Variants in EPB41L4A observed in about 807,000 individuals in gnomAD.
EPB41L4A encodes band 4.1-like protein 4A.
Under a neutral mutation model 108.6 loss-of-function variants are expected in EPB41L4A, and 100 were observed. That is an observed-to-expected ratio of 0.92 (90% CI 0.78 to 1.09). EPB41L4A has a LOEUF of 1.09. Ranked by LOEUF, EPB41L4A falls within the 50% of genes least tolerant of loss-of-function variation. The pLI is 0.00. For missense variants in EPB41L4A, 1,030 were observed against 842.7 expected (o/e 1.22, Z -2.75); for synonymous variants, 319 against 289.0 (o/e 1.10, Z -1.05).
intron 2 of EPB41L4A, among the ~76,000 whole-genome samples, chr5:112,301,612 T>C (rs1256518944): frequency 1.1e-4 from 17 of 152,196 alleles, no homozygotes; most frequent in Admixed American, 1.1e-3. Flanking sequence ...TCAGCTTTCT[T>C]GGTATATTTC....
At chr5:112,361,101 AAG>A (rs1478084422) in intron 1 of EPB41L4A, among the ~76,000 whole-genome samples, 2 of 152,192 alleles carry the variant, frequency 1.3e-5, no homozygotes, top group Admixed American at 1.3e-4. Flanking sequence ...GGGGAAAAGA[AAG>A]AGAGATCGGA....
intron 9 of EPB41L4A, among the ~76,000 whole-genome samples, chr5:112,244,804 T>C (rs1580516532): frequency 6.6e-6 from 1 of 152,206 alleles, no homozygotes; most frequent in African/African-American, 2.4e-5. Context: ...AGCTCCTAGC[T>C]TGCAGGGTGC....
intron 1 of EPB41L4A, among the ~76,000 whole-genome samples, chr5:112,385,507 CAAA>C (rs201988960): frequency 9.1e-4 from 69 of 75,542 alleles, no homozygotes; most frequent in African/African-American, 2.4e-3. Context: ...TGGTTATTTT[CAAA>C]AAAAAAAAAA....
At chr5:112,359,325 T>C (rs1323141979) in intron 1 of EPB41L4A, among the ~76,000 whole-genome samples, 1 of 152,210 alleles carries the variant, frequency 6.6e-6, no homozygotes, top group African/African-American at 2.4e-5. Flanking sequence ...ATTCACTAAA[T>C]TTTCAGTTGA....
intron 9 of EPB41L4A, among the ~76,000 whole-genome samples, chr5:112,246,504 C>T (rs1444228454): frequency 6.6e-6 from 1 of 152,152 alleles, no homozygotes; most frequent in Non-Finnish European, 1.5e-5. Flanking sequence ...AAGCTGGGAA[C>T]TGGGTCACGC....
At chr5:112,272,099 C>T (rs1212662621) in intron 4 of EPB41L4A, among the ~76,000 whole-genome samples, 1 of 151,152 alleles carries the variant, frequency 6.6e-6, no homozygotes, top group Non-Finnish European at 1.5e-5. Context: ...ATAGTATGAC[C>T]ATATATATGC....
At chr5:112,344,588 G>A (rs867120987) in intron 1 of EPB41L4A, among the ~76,000 whole-genome samples, 1 of 152,222 alleles carries the variant, frequency 6.6e-6, no homozygotes, top group Non-Finnish European at 1.5e-5. Flanking sequence ...AAGTCTATAA[G>A]CTGTTTACGA....
At chr5:112,246,214 C>T (rs868225286) in intron 9 of EPB41L4A, among the ~76,000 whole-genome samples, 1 of 152,078 alleles carries the variant, frequency 6.6e-6, no homozygotes, top group Non-Finnish European at 1.5e-5. Flanking sequence ...AATATCCAGT[C>T]ATGCGTTGTA....
chr5:112,264,826 C>T (rs904634376), intron 6 of EPB41L4A, 70 bp downstream of exon 6: 3 of 1,483,850 alleles, frequency 2.0e-6, no homozygotes, highest in East Asian at 4.7e-5. Flanking sequence ...ATTCTAGAAA[C>T]TTTTCTTGTG....
intron 20 of EPB41L4A, 154 bp downstream of exon 20, chr5:112,170,147 G>T: frequency 1.4e-6 from 1 of 692,726 alleles, no homozygotes; most frequent in Middle Eastern, 3.8e-4. Context: ...TAGCTTTAAT[G>T]CACACTTTTC....
chr5:112,144,984 T>TA (rs940989327), intron 13 of EPB41L4A, among the ~76,000 whole-genome samples: 2 of 152,128 alleles, frequency 1.3e-5, no homozygotes, highest in East Asian at 1.9e-4. Flanking sequence ...TAACTTTGTT[T>TA]AAAAAAAGTA....
chr5:112,347,500 T>C (rs1216995029), intron 1 of EPB41L4A, among the ~76,000 whole-genome samples: 1 of 152,160 alleles, frequency 6.6e-6, no homozygotes. Context: ...CCATATACTA[T>C]GGGCATGACT....
At chr5:112,219,423 T>G (rs949333393) in intron 12 of EPB41L4A, among the ~76,000 whole-genome samples, 3 of 152,206 alleles carry the variant, frequency 2.0e-5, no homozygotes, top group Non-Finnish European at 4.4e-5. Flanking sequence ...CAAGTGGAAC[T>G]GTGAGTCTTT....
At chr5:112,155,951 A>T (rs1759632168) in intron 12 of EPB41L4A, among the ~76,000 whole-genome samples, 1 of 152,134 alleles carries the variant, frequency 6.6e-6, no homozygotes, top group African/African-American at 2.4e-5. Flanking sequence ...TTTAATATCA[A>T]ATTTTTAAAA....
intron 17 of EPB41L4A, among the ~76,000 whole-genome samples, chr5:112,189,288 T>C (rs1644906179): frequency 6.6e-6 from 1 of 152,258 alleles, no homozygotes; most frequent in Admixed American, 6.5e-5. Flanking sequence ...GGGCACTTTC[T>C]ACTTTTCAAA....
chr5:112,303,166 T>C (rs987245761), intron 2 of EPB41L4A, among the ~76,000 whole-genome samples: 87 of 152,300 alleles, frequency 5.7e-4, no homozygotes, highest in Non-Finnish European at 2.9e-5. Flanking sequence ...TCAGTCATTA[T>C]AGGTACTTTC....
intron 1 of EPB41L4A, among the ~76,000 whole-genome samples, chr5:112,344,077 T>C (rs1039324959): frequency 1.3e-5 from 2 of 152,100 alleles, no homozygotes; most frequent in South Asian, 2.1e-4. Flanking sequence ...CTTTAAAAAA[T>C]TGATTTGATA....
chr5:112,152,296 C>T (rs75705984), intron 12 of EPB41L4A, among the ~76,000 whole-genome samples: 16,241 of 151,856 alleles, frequency 0.11, 1,029 homozygotes, highest in Non-Finnish European at 0.15. Context: ...TAAAAGTGAA[C>T]CAAATATTCT....
intron 1 of EPB41L4A, among the ~76,000 whole-genome samples, chr5:112,394,196 C>T (rs1403517858): frequency 6.6e-6 from 1 of 152,202 alleles, no homozygotes; most frequent in Non-Finnish European, 1.5e-5. Flanking sequence ...GGGATGCCCT[C>T]TCTCACCACT....
Sources: gnomAD v4.1 joint callset for allele counts (sites outside exome capture counted in the v4.1 genomes callset) on GRCh38, gnomAD v4.1.1 for gene constraint, MANE v1.5 for transcripts, NCBI Gene and HGNC (gene_info 2026-07-23, HGNC 2026-07-21) for gene names.